Variants in SNX29 observed in about 807,000 individuals in gnomAD.
SNX29 encodes sorting nexin-29.
In SNX29, 78 loss-of-function variants were observed where a neutral mutation model predicts 102.1. The ratio of observed to expected loss-of-function variants is 0.76; its 90% CI spans 0.64 to 0.92. The LOEUF is 0.92. Ranked by LOEUF, SNX29 falls within the 40% of genes least tolerant of loss-of-function variation. The probability of loss-of-function intolerance (pLI) is 0.00; values close to 1 mark genes in which losing one functional copy is unlikely to be tolerated. For missense variants in SNX29, 1,280 were observed against 1,061.7 expected (o/e 1.21, Z -2.86); for synonymous variants, 580 against 414.5 (o/e 1.40, Z -4.85).
intron 18 of SNX29, among the ~76,000 whole-genome samples, chr16:12,477,026 A>G (rs991857403): frequency 6.6e-6 from 1 of 152,164 alleles, no homozygotes; most frequent in African/African-American, 2.4e-5. Context: ...TTTCCTTGTG[A>G]TGAAGTTGCT....
At position 12,572,430 on chromosome 16, in the gene SNX29, C is replaced by T. The variant is rs1488237961; in HGVS notation, c.*3801C>T. 1.9e-6 allele frequency: 2 copies of T among 1,063,252 alleles called. No homozygotes were observed. The highest frequency in any genetic ancestry group is 5.4e-5 in the Admixed American group (1 of 18,664). 65.9% of individuals were successfully genotyped at this position (1,063,252 alleles called of 1,614,324 possible). On this transcript the variant is annotated 3_prime_UTR_variant, in exon 21 of 21. Transcript: ENST00000566228. The stretch of plus-strand genomic sequence containing the variant: ...GCTCTGTGGCCCAGGCCGGCAGTGG[C>T]TGCCTCTCTTGGTTCTGCATGGTAC...
intron 8 of SNX29, chr16:12,052,572 T>G (rs2050352197): frequency 1.4e-5 from 4 of 278,572 alleles, no homozygotes; most frequent in South Asian, 4.0e-5. Flanking sequence ...TTCTATGGTA[T>G]TGGGTAAAAT....
chr16:12,411,827 C>T (rs2084408726), intron 18 of SNX29, among the ~76,000 whole-genome samples: 1 of 152,184 alleles, frequency 6.6e-6, no homozygotes, highest in Non-Finnish European at 1.5e-5. Context: ...ATATGAAATG[C>T]TTGGGCCATA....
At chr16:12,434,612 C>T (rs1278117490) in intron 18 of SNX29, among the ~76,000 whole-genome samples, 2 of 152,124 alleles carry the variant, frequency 1.3e-5, no homozygotes, top group Admixed American at 6.5e-5. Flanking sequence ...AGGGCCTTCC[C>T]ATAACCCACC....
chr16:12,250,372 G>C (rs2078386346), intron 14 of SNX29, among the ~76,000 whole-genome samples: 1 of 152,040 alleles, frequency 6.6e-6, no homozygotes, highest in African/African-American at 2.4e-5. Context: ...CCCCAGGAGA[G>C]AAGCCACAGG....
At chr16:12,558,330 AAG>A (rs2078502249) in intron 20 of SNX29, among the ~76,000 whole-genome samples, 1 of 149,722 alleles carries the variant, frequency 6.7e-6, no homozygotes, top group Admixed American at 6.7e-5. Context: ...GCTATCAACA[AAG>A]AGACAAAGAG....
intron 18 of SNX29, among the ~76,000 whole-genome samples, chr16:12,414,492 C>T (rs2084542616): frequency 6.6e-6 from 1 of 152,206 alleles, no homozygotes; most frequent in South Asian, 2.1e-4. Flanking sequence ...ATCTTCACCT[C>T]CACGGTTACA....
chr16:12,540,852 C>T (rs748520488), intron 20 of SNX29, among the ~76,000 whole-genome samples: 1 of 152,218 alleles, frequency 6.6e-6, no homozygotes, highest in African/African-American at 2.4e-5. Context: ...TCCACCCTTT[C>T]TGAGCAGGAG....
rs543076113 is a variant in SNX29, at chr16:12,260,068, G to A, written c.1679-17865G>A. Among the ~76,000 whole-genome samples the A allele has an allele frequency of 2.0e-5, 3 of 152,320 alleles. No individual in the cohort carries two copies. In the South Asian group the frequency reaches 6.2e-4, roughly 32 times the overall value. On this transcript the variant is annotated intron_variant, in intron 14 of 20. Coordinates refer to ENST00000566228, the MANE Select transcript of SNX29 (RefSeq NM_032167.5). ...ATTGAGGCTTCACAGGCACTTCTCT[G>A]TGACCCCTTTTTTCTCTCCATTGTG...
intron 13 of SNX29, among the ~76,000 whole-genome samples, chr16:12,181,959 A>G (rs1243402765): frequency 1.3e-5 from 2 of 151,676 alleles, no homozygotes; most frequent in Non-Finnish European, 2.9e-5. Flanking sequence ...TCTCAGCTCA[A>G]TGCAACCTGT....
chr16:12,362,552 C>CCACCA (rs2082331587), intron 16 of SNX29, among the ~76,000 whole-genome samples: 1 of 24,900 alleles, frequency 4.0e-5, no homozygotes, highest in African/African-American at 1.3e-4. Context: ...GGCTGCTGCA[C>CCACCA]TCCCCCCCCA....
At position 12,337,162 on chromosome 16, in the gene SNX29, G is replaced by A. The variant is rs187337940; in HGVS notation, c.1783-19001G>A. Among the ~76,000 whole-genome samples, 148 of 152,292 alleles carry A rather than the reference G, an allele frequency of 9.7e-4. 1 individual carries two copies. The highest frequency in any genetic ancestry group is 3.4e-3 in the African/African-American group (140 of 41,562). ...CTTCTGAAGGCCACCCAGCTGGCAG[G>A]TGATGGGGCTGGGAGGCAGCAGTAG... On this transcript the variant is annotated intron_variant, in intron 15 of 20. Transcript: ENST00000566228.
intron 3 of SNX29, among the ~76,000 whole-genome samples, chr16:12,019,631 T>TAG (rs2056960740): frequency 1.4e-5 from 2 of 146,294 alleles, no homozygotes; most frequent in African/African-American, 5.0e-5. Context: ...TAGATATAGA[T>TAG]ATATAATTTT....
rs191264595 is a variant in SNX29, at chr16:12,020,551, C to T, written c.123-6769C>T. Among the ~76,000 whole-genome samples the T allele has an allele frequency of 3.2e-4, 49 of 151,820 alleles. No individual in the cohort carries two copies. In the East Asian group the frequency reaches 8.2e-3, roughly 25 times the overall value. ...GTAGATTATAGTCTAGGATTGATTT[C>T]TGCTCCTGAAATTCATGGATTAAGC... On this transcript the variant is annotated intron_variant, in intron 3 of 20. Coordinates refer to ENST00000566228, the MANE Select transcript of SNX29 (RefSeq NM_032167.5).
intron 2 of SNX29, among the ~76,000 whole-genome samples, 181 bp downstream of exon 2, chr16:11,999,539 G>A (rs987833821): frequency 6.6e-6 from 1 of 152,172 alleles, no homozygotes; most frequent in African/African-American, 2.4e-5. Context: ...AGGTTGGGTT[G>A]GAGGAAGTCC....
At chr16:12,437,492 G>T (rs2085590130) in intron 18 of SNX29, among the ~76,000 whole-genome samples, 1 of 152,212 alleles carries the variant, frequency 6.6e-6, no homozygotes. Context: ...CGGAGGACAG[G>T]TGACATCTGA....
At chr16:12,084,208 C>T (rs945503525) in intron 11 of SNX29, among the ~76,000 whole-genome samples, 9 of 151,444 alleles carry the variant, frequency 5.9e-5, no homozygotes, top group Non-Finnish European at 8.8e-5. Flanking sequence ...TGCAGTGGCA[C>T]GATCTCGGGT....
chr16:12,386,330 A>G (rs776215945), intron 16 of SNX29, among the ~76,000 whole-genome samples: 21 of 152,194 alleles, frequency 1.4e-4, no homozygotes, highest in Non-Finnish European at 3.1e-4. Context: ...ACTTTATGCA[A>G]ATTATCTCAT....
intron 13 of SNX29, among the ~76,000 whole-genome samples, chr16:12,175,250 C>T (rs2076233970): frequency 2.6e-5 from 4 of 152,086 alleles, no homozygotes; most frequent in Non-Finnish European, 1.5e-5. Flanking sequence ...GAATTATGTC[C>T]GCCTACCCCC....
Sources: gnomAD v4.1 joint callset for allele counts (sites outside exome capture counted in the v4.1 genomes callset) on GRCh38, gnomAD v4.1.1 for gene constraint, MANE v1.5 for transcripts, NCBI Gene and HGNC (gene_info 2026-07-23, HGNC 2026-07-21) for gene names.